Variants in NDST4 observed in about 807,000 individuals in gnomAD.
NDST4 encodes N-heparan sulfate sulfotransferase 4.
Under a neutral mutation model 100.8 loss-of-function variants are expected in NDST4, and 63 were observed. The observed-to-expected ratio is 0.62, with a 90% CI of 0.51 to 0.77. The LOEUF is 0.77. Ranked by LOEUF, NDST4 falls within the 30% of genes least tolerant of loss-of-function variation. The pLI, the probability that NDST4 is intolerant of heterozygous loss-of-function variation, is 0.00. For missense variants in NDST4, 943 were observed against 1,018.4 expected (o/e 0.93, Z 1.01); for synonymous variants, 377 against 361.8 (o/e 1.04, Z -0.48).
At chr4:115,097,649 A>G (rs1233857169) in intron 1 of NDST4, among the ~76,000 whole-genome samples, 1 of 152,096 alleles carries the variant, frequency 6.6e-6, no homozygotes, top group Admixed American at 6.6e-5. Context: ...CTTGCTCCAC[A>G]TCATTTTTTT....
At chr4:114,856,730 A>G (rs1299630048) in intron 7 of NDST4, among the ~76,000 whole-genome samples, 1 of 152,230 alleles carries the variant, frequency 6.6e-6, no homozygotes, top group African/African-American at 2.4e-5. Context: ...TATTGTTGAC[A>G]TGATATTTGG....
At position 114,846,004 on chromosome 4, in the gene NDST4, G is replaced by T; in HGVS notation, c.1941-7C>A. Reference sequence around the variant, plus strand: ...AGGGAAAAAGTCCATATACCTGAAGGCAGAGAAAGACAATTAATTAATCTG... The same window carrying T: ...AGGGAAAAAGTCCATATACCTGAAGTCAGAGAAAGACAATTAATTAATCTG... On this transcript the variant is annotated splice_region_variant and splice_polypyrimidine_tract_variant and intron_variant, in intron 9 of 13. Transcript: ENST00000264363. 6.4e-7 allele frequency: 1 copy of T among 1,567,106 alleles called. No homozygotes were observed. Among genetic ancestry groups the T allele is most frequent in the Non-Finnish European group, 8.7e-7 (1 of 1,147,368 alleles).
Position 115,076,684 on chromosome 4 carries a change from G to A in NDST4, c.353C>T (p.Pro118Leu). ...CCCTTTGCCATTATCTGTAAGAGGA[G>A]GTATATCTCCCTTTCCAGGGGCAAT... ...MVIAPGKGDI[P>L]PLTDNGKGKY... is the part of the protein sequence containing the mutation. The change falls in exon 2 of 14, where the codon CCT (proline) becomes CTT (leucine). Residue 118 changes from proline (P) to leucine (L), a missense_variant. By Grantham distance (98) the Pro-to-Leu change is moderately conservative. Transcript: ENST00000264363. 1.2e-6 allele frequency: 2 copies of A among 1,613,844 alleles called. No homozygotes were observed. The highest frequency in any genetic ancestry group is 1.7e-6 in the Non-Finnish European group (2 of 1,179,910).
rs1010176591 is a variant in NDST4 at position 114,846,014 on chromosome 4, A to G, written c.1941-17T>C. On this transcript the variant is annotated splice_polypyrimidine_tract_variant and intron_variant, in intron 9 of 13. Coordinates refer to ENST00000264363, the MANE Select transcript of NDST4 (RefSeq NM_022569.3). ...TCCATATACCTGAAGGCAGAGAAAG[A>G]CAATTAATTAATCTGAAAATAATTT... 2 of 1,540,556 alleles carry G rather than the reference A, an allele frequency of 1.3e-6. No individual in the cohort carries two copies. Among genetic ancestry groups the G allele is most frequent in the South Asian group, 1.2e-5 (1 of 84,384 alleles).
intron 2 of NDST4, among the ~76,000 whole-genome samples, chr4:115,003,012 A>G (rs1278928968): frequency 2.6e-5 from 4 of 152,118 alleles, no homozygotes; most frequent in Non-Finnish European, 5.9e-5. Flanking sequence ...CTCACTCATA[A>G]GTTACAGTTG....
Position 114,875,057 on chromosome 4 carries a change from G to A in NDST4, c.1537-4107C>T, listed in dbSNP as rs1170991957. Among the ~76,000 whole-genome samples the A allele has an allele frequency of 3.3e-5, 5 of 152,196 alleles. 1 individual carries two copies. The East Asian group carries it at 9.7e-4, about 29-fold the overall frequency. On this transcript the variant is annotated intron_variant, in intron 6 of 13. Coordinates refer to ENST00000264363, the MANE Select transcript of NDST4 (RefSeq NM_022569.3). ...ACAAGCAGAGCTTTATCTTTCATATGAAAAGGACAGGAAAGGAAATCTTGT... is the reference window on the plus strand; with the variant it reads ...ACAAGCAGAGCTTTATCTTTCATATAAAAAGGACAGGAAAGGAAATCTTGT...
At position 115,062,253 on chromosome 4, in the gene NDST4, A is replaced by G. The variant is rs986278966; in HGVS notation, c.978+13806T>C. 1.1e-4 allele frequency among the ~76,000 whole-genome samples: 16 copies of G among 152,226 alleles called. No homozygotes were observed. The East Asian group carries it at 2.9e-3, about 28-fold the overall frequency. On this transcript the variant is annotated intron_variant, in intron 2 of 13. Coordinates refer to ENST00000264363, the MANE Select transcript of NDST4 (RefSeq NM_022569.3). ...GGCAATTGAAATACTTTTTGAAAAT[A>G]TAAACTGCAAATAACTCATAAAGAT...
Position 115,076,461 on chromosome 4 carries a change from G to A in NDST4, c.576C>T (p.Asp192=), listed in dbSNP as rs1295832371. 3 of 1,613,938 alleles carry A rather than the reference G, an allele frequency of 1.9e-6. No homozygotes were observed. Residue 192 remains aspartate (D), a synonymous_variant, in exon 2 of 14, where the codon GAC becomes GAT. Coordinates refer to ENST00000264363, the MANE Select transcript of NDST4 (RefSeq NM_022569.3). Reference sequence around the variant, plus strand: ...AAGGAGATTGAGGGTTAACAAAACAGTCCTTTAGAGCTAGATTATTGAAAA... The same window carrying A: ...AAGGAGATTGAGGGTTAACAAAACAATCCTTTAGAGCTAGATTATTGAAAA... ...LNLFNNLALK[D]CFVNPQSPLL... is the part of the protein sequence containing the mutation.
At chr4:115,074,758 T>C (rs1469465412) in intron 2 of NDST4, among the ~76,000 whole-genome samples, 1 of 152,150 alleles carries the variant, frequency 6.6e-6, no homozygotes, top group Non-Finnish European at 1.5e-5. Flanking sequence ...AAATACCCTG[T>C]TATTTTGAAG....
chr4:114,847,238 T>C (rs1276430830), intron 9 of NDST4, among the ~76,000 whole-genome samples: 1 of 138,968 alleles, frequency 7.2e-6, no homozygotes, highest in Non-Finnish European at 1.5e-5. Flanking sequence ...TAGCCGGGCG[T>C]AGTGGCGGGC....
intron 2 of NDST4, among the ~76,000 whole-genome samples, chr4:114,993,204 A>T (rs1243099524): frequency 6.6e-6 from 1 of 151,870 alleles, no homozygotes; most frequent in Non-Finnish European, 1.5e-5. Flanking sequence ...TTAGATGCTA[A>T]GATCCTAGGA....
At chr4:115,110,393 C>T (rs971532487) in intron 1 of NDST4, among the ~76,000 whole-genome samples, 3 of 151,928 alleles carry the variant, frequency 2.0e-5, no homozygotes, top group African/African-American at 7.2e-5. Context: ...TATCTCACTT[C>T]GTAAACTTCA....
In NDST4 at chr4:115,011,143, G is replaced by GC. The variant is rs1315787343; in HGVS notation, c.979-33870dup. ...ATAGAAACATTCATGCTATGTACAT[G>GC]CAGTTTGCCTTCAGAAGCTTAGTAC... On this transcript the variant is annotated intron_variant, in intron 2 of 13. Coordinates refer to ENST00000264363, the MANE Select transcript of NDST4 (RefSeq NM_022569.3). Among the ~76,000 whole-genome samples the GC allele has an allele frequency of 7.2e-5, 11 of 152,016 alleles. 1 individual carries two copies. The East Asian group carries it at 2.1e-3, about 29-fold the overall frequency.
At chr4:114,988,522 T>A (rs1484030898) in intron 2 of NDST4, among the ~76,000 whole-genome samples, 1 of 151,514 alleles carries the variant, frequency 6.6e-6, no homozygotes, top group Admixed American at 6.6e-5. Context: ...CCACCACGCC[T>A]GGCTAATTTT....
chr4:115,078,414 A>G lies in NDST4; in HGVS notation c.-246-1132T>C, dbSNP rs144554101. Among the ~76,000 whole-genome samples the G allele has an allele frequency of 1.2e-3, 183 of 152,328 alleles. 3 individuals are homozygous for G. Among genetic ancestry groups the G allele is most frequent in the East Asian group, 7.7e-3 (40 of 5,184 alleles). On this transcript the variant is annotated intron_variant, in intron 1 of 13. Coordinates refer to ENST00000264363, the MANE Select transcript of NDST4 (RefSeq NM_022569.3). ...CTGATAGTGATATGGACAGTGAAAT[A>G]CAAGCTAAGGAGGTCTCAGATGGAA...
At chr4:115,045,868 A>T (rs1254346743) in intron 2 of NDST4, among the ~76,000 whole-genome samples, 1 of 152,194 alleles carries the variant, frequency 6.6e-6, no homozygotes, top group Non-Finnish European at 1.5e-5. Flanking sequence ...ATGAGCAATG[A>T]ACTACACATT....
At chr4:114,929,074 G>GTCCGTCCGTCCATCCATCCA (rs1560816975) in intron 6 of NDST4, among the ~76,000 whole-genome samples, 68 of 120,586 alleles carry the variant, frequency 5.6e-4, no homozygotes, top group Non-Finnish European at 8.0e-4. Flanking sequence ...CCGTCCGTCC[G>GTCCGTCCGTCCATCCATCCA]TCCATCCATC....
Position 114,871,062 on chromosome 4 carries a change from A to G in NDST4, c.1537-112T>C, listed in dbSNP as rs1460702720. 1.6e-5 allele frequency: 10 copies of G among 641,796 alleles called. No individual in the cohort carries two copies. In the East Asian group the frequency reaches 2.9e-4, roughly 18 times the overall value. The allele number at this position is 641,796 out of a possible 1,614,324, so 39.8% of individuals were successfully genotyped here. A position where few individuals can be genotyped will look rare whatever the true frequency, so the allele number is the denominator to read the frequency against. The stretch of plus-strand genomic sequence containing the variant: ...ACCTTGGAATTTCACAAGAAGTACA[A>G]TGATCTTTTTAAGTGGAAAGCCACA... On this transcript the variant is annotated intron_variant, in intron 6 of 13. Transcript: ENST00000264363.
intron 1 of NDST4, among the ~76,000 whole-genome samples, chr4:115,095,620 A>G (rs1314319548): frequency 6.6e-6 from 1 of 152,176 alleles, no homozygotes; most frequent in Non-Finnish European, 1.5e-5. Context: ...GCAATTACCA[A>G]CTAGTACCTG....
Sources: allele counts gnomAD v4.1 joint callset (sites outside exome capture counted in the v4.1 genomes callset), GRCh38; gene constraint gnomAD v4.1.1; transcripts MANE v1.5; gene names NCBI Gene and HGNC (gene_info 2026-07-23, HGNC 2026-07-21).